Variants in UPF2 observed in about 807,000 individuals in gnomAD.
UPF2 encodes the protein UPF2 regulator of nonsense mediated mRNA decay.
In UPF2, 17 loss-of-function variants were observed where a neutral mutation model predicts 141.4. The ratio of observed to expected loss-of-function variants is 0.12; its 90% CI spans 0.08 to 0.18. The LOEUF (loss-of-function observed/expected upper bound fraction) is 0.18. UPF2 is among the 10% of genes least tolerant of loss of function. The pLI is 1.00. For missense variants in UPF2, 1,152 were observed against 1,515.9 expected, an observed-to-expected ratio of 0.76 and a Z score of 3.99; for synonymous variants, 540 against 498.0, an observed-to-expected ratio of 1.08 and a Z score of -1.12.
At chr10:12,012,462 C>T (rs145035664) in intron 4 of UPF2, among the ~76,000 whole-genome samples, 32 of 152,270 alleles carry the variant, frequency 2.1e-4, no homozygotes, top group African/African-American at 7.5e-4. Flanking sequence ...AACACAAATT[C>T]TATGATGAAA....
intron 21 of UPF2, among the ~76,000 whole-genome samples, chr10:11,928,331 G>A (rs769458651): frequency 6.6e-6 from 1 of 150,490 alleles, no homozygotes; most frequent in Admixed American, 6.6e-5. Flanking sequence ...AGTGAGATTC[G>A]GTCTCAAAAA....
In UPF2 at chr10:11,951,941, G is replaced by A. The variant is rs1025078272; in HGVS notation, c.3034+125C>T. 25 of 990,348 alleles carry A rather than the reference G, an allele frequency of 2.5e-5. No homozygotes were observed. The Admixed American group carries it at 3.5e-4, about 14-fold the overall frequency. The allele number at this position is 990,348 out of a possible 1,614,324, so 61.3% of individuals were successfully genotyped here. On this transcript the variant is annotated intron_variant, in intron 15 of 21. Coordinates refer to ENST00000357604, the MANE Select transcript of UPF2 (RefSeq NM_015542.4). ...CACAGGCATTACCTAACACTACTAC[G>A]TAACACTCAACACCGAAAATAGAAA...
chr10:11,929,836 A>C (rs1832760904), intron 21 of UPF2, 29 bp downstream of exon 21: 1 of 1,606,186 alleles, frequency 6.2e-7, no homozygotes, highest in South Asian at 1.1e-5. Flanking sequence ...GGAAACAAAC[A>C]GCTAAGGAAG....
intron 8 of UPF2, among the ~76,000 whole-genome samples, chr10:11,985,132 G>A (rs1297226420): frequency 1.3e-5 from 2 of 152,192 alleles, no homozygotes; most frequent in Non-Finnish European, 2.9e-5. Flanking sequence ...AGTTAAGGAA[G>A]TTATGAGTTA....
intron 4 of UPF2, among the ~76,000 whole-genome samples, chr10:12,010,439 T>A (rs562416650): frequency 1.4e-4 from 21 of 152,040 alleles, no homozygotes; most frequent in Non-Finnish European, 3.1e-4. Context: ...AAGACATAGA[T>A]ATAAAAAATG....
intron 21 of UPF2, among the ~76,000 whole-genome samples, chr10:11,925,196 T>C (rs1832696733): frequency 6.6e-6 from 1 of 152,230 alleles, no homozygotes; most frequent in Admixed American, 6.5e-5. Flanking sequence ...TGTTTGTTCA[T>C]CTACCATGTT....
At chr10:12,021,764 C>T (rs937995520) in intron 3 of UPF2, among the ~76,000 whole-genome samples, 1 of 152,104 alleles carries the variant, frequency 6.6e-6, no homozygotes, top group Non-Finnish European at 1.5e-5. Context: ...AAAGAATGAT[C>T]ATGAAGAAGA....
chr10:11,925,399 G>A (rs1168689287), intron 21 of UPF2, among the ~76,000 whole-genome samples: 1 of 152,242 alleles, frequency 6.6e-6, no homozygotes, highest in African/African-American at 2.4e-5. Context: ...ACAGAGGGAA[G>A]AGCTAGGGAG....
chr10:11,931,769 T>C lies in UPF2; in HGVS notation c.3560A>G (p.Asn1187Ser). 3 of 1,602,490 alleles carry C rather than the reference T, an allele frequency of 1.9e-6. No homozygotes were observed. The highest frequency in any genetic ancestry group is 1.7e-6 in the Non-Finnish European group (2 of 1,177,492). Residue 1187 changes from asparagine to serine, a missense_variant, in exon 20 of 22, where the codon AAT becomes AGT. Physicochemically the swap from Asn to Ser is conservative, Grantham distance 46 (BLOSUM62 1). Coordinates refer to ENST00000357604, the MANE Select transcript of UPF2 (RefSeq NM_015542.4). This position sits in a 1 kb window ranked among gnomAD's most constrained non-coding sequence, Gnocchi z 5.9. ...AGCAAGTTGAGAGGACATGGGTACA[T>C]TAAGGATCTTAAACTGGGAGAAAAT... Reference protein sequence around the residue: ...KGNKQQFKILNVPMSSQLAAN... With the variant: ...KGNKQQFKILSVPMSSQLAAN...
At chr10:12,022,228 A>G (rs1817915127) in intron 3 of UPF2, among the ~76,000 whole-genome samples, 2 of 151,976 alleles carry the variant, frequency 1.3e-5, no homozygotes, top group Admixed American at 1.3e-4. Context: ...CCTGGGCAAC[A>G]TGGTGAAACC....
At chr10:12,009,749 G>A (rs1834097023) in intron 4 of UPF2, among the ~76,000 whole-genome samples, 1 of 152,136 alleles carries the variant, frequency 6.6e-6, no homozygotes, top group African/African-American at 2.4e-5. Flanking sequence ...CCCAAGGTAG[G>A]CAGAGTTCCC....
Position 11,939,714 on chromosome 10 carries a change from A to G in UPF2, c.3378+2951T>C, listed in dbSNP as rs987461663. Among the ~76,000 whole-genome samples, 7 of 151,734 alleles carry G rather than the reference A, an allele frequency of 4.6e-5. No homozygotes were observed. Among genetic ancestry groups the G allele is most frequent in the Admixed American group, 6.6e-5 (1 of 15,236 alleles). On this transcript the variant is annotated intron_variant, in intron 18 of 21. Transcript: ENST00000357604. This position sits in a 1 kb window ranked among gnomAD's most constrained non-coding sequence, Gnocchi z 4.8. ...GTATTTTTAGTAGAGACAGGGTTTC[A>G]CCATGTTGGCCAGGCTGGTCTTGAA...
intron 9 of UPF2, among the ~76,000 whole-genome samples, chr10:11,976,719 C>T (rs1225036005): frequency 6.6e-6 from 1 of 151,856 alleles, no homozygotes; most frequent in Non-Finnish European, 1.5e-5. Context: ...TGAGCCAATC[C>T]CAACAAAGAA....
chr10:11,922,546 G>GA (rs972039921), intron 21 of UPF2, among the ~76,000 whole-genome samples: 1 of 151,962 alleles, frequency 6.6e-6, no homozygotes, highest in Non-Finnish European at 1.5e-5. Context: ...TAAATGACAG[G>GA]AAAAAAATGT....
chr10:12,024,013 A>T (rs1222394230), intron 3 of UPF2, among the ~76,000 whole-genome samples: 1 of 152,164 alleles, frequency 6.6e-6, no homozygotes, highest in Non-Finnish European at 1.5e-5. Context: ...AAATAATAAA[A>T]GATATTGAAT....
intron 9 of UPF2, among the ~76,000 whole-genome samples, chr10:11,977,789 G>A (rs1002243804): frequency 1.3e-5 from 2 of 152,150 alleles, no homozygotes; most frequent in Admixed American, 1.3e-4. Flanking sequence ...GATTCACAGA[G>A]CACATTACCA....
chr10:11,999,914 T>C lies in UPF2; in HGVS notation c.1750A>G (p.Ile584Val). 25 of 1,613,604 alleles carry C rather than the reference T, an allele frequency of 1.5e-5. No homozygotes were observed. Among genetic ancestry groups the C allele is most frequent in the Non-Finnish European group, 1.9e-5 (23 of 1,179,648 alleles). ...QLPNCVNRDL[I>V]DKAAMDFCMN... is the part of the protein sequence containing the mutation. ...CACAGAGATACCAATACCTTGTCTA[T>C]CAGATCTCGGTTGACACAGTTGGGT... is the stretch of plus-strand genomic sequence containing the variant. Residue 584 changes from isoleucine (I) to valine (V), a missense_variant, in exon 7 of 22, where the codon ATA becomes GTA. By Grantham distance (29) the Ile-to-Val change is conservative (BLOSUM62 3). Coordinates refer to ENST00000357604, the MANE Select transcript of UPF2 (RefSeq NM_015542.4).
intron 21 of UPF2, chr10:11,928,684 G>A (rs1832743825): frequency 8.6e-6 from 3 of 348,560 alleles, no homozygotes; most frequent in Non-Finnish European, 1.7e-5. Context: ...ATTCCAGCCT[G>A]GGCGACAGAG....
chr10:11,925,663 C>T (rs11257432), intron 21 of UPF2, among the ~76,000 whole-genome samples: 52,555 of 152,160 alleles, frequency 0.35, 10,244 homozygotes, highest in Non-Finnish European at 0.45. Flanking sequence ...GCAGCAGATC[C>T]GCACTGACCT....
Sources: gnomAD v4.1 joint callset for allele counts (sites outside exome capture counted in the v4.1 genomes callset) on GRCh38, gnomAD v4.1.1 for gene constraint, Gnocchi (gnomAD v3.1) non-coding constraint, MANE v1.5 for transcripts, NCBI Gene and HGNC (gene_info 2026-07-23, HGNC 2026-07-21) for gene names.